RELN: variants seen among roughly 807,000 people sequenced by gnomAD.
The protein encoded by RELN is reelin.
A neutral mutation model predicts 427.6 loss-of-function variants in RELN; 108 were observed. The ratio of observed to expected loss-of-function variants is 0.25; its 90% CI spans 0.22 to 0.30. The LOEUF is 0.30. RELN is among the 10% of genes least tolerant of loss of function. RELN has a pLI of 1.00. For missense variants in RELN, 3,715 were observed against 4,302.8 expected, an observed-to-expected ratio of 0.86 and a Z score of 3.82; for synonymous variants, 1,524 against 1,513.4, an observed-to-expected ratio of 1.01 and a Z score of -0.16.
chr7:103,685,837 C>T (rs1033444293), intron 10 of RELN, among the ~76,000 whole-genome samples: 1 of 152,054 alleles, frequency 6.6e-6, no homozygotes, highest in African/African-American at 2.4e-5. Flanking sequence ...AAGAATTTGC[C>T]ATTCAGAAAA....
intron 20 of RELN, among the ~76,000 whole-genome samples, chr7:103,615,629 T>C (rs1226855479): frequency 6.6e-6 from 1 of 152,112 alleles, no homozygotes; most frequent in Admixed American, 6.6e-5. Flanking sequence ...AGAAGGAAAA[T>C]AGAGAAGCTG....
At chr7:103,702,762 C>G (rs950045452) in intron 8 of RELN, among the ~76,000 whole-genome samples, 27 of 152,182 alleles carry the variant, frequency 1.8e-4, no homozygotes, top group African/African-American at 6.5e-4. Context: ...CTCACTGGCT[C>G]TTGCCAGATC....
intron 3 of RELN, among the ~76,000 whole-genome samples, chr7:103,803,648 T>C (rs1441375441): frequency 3.3e-5 from 5 of 152,256 alleles, no homozygotes; most frequent in South Asian, 2.1e-4. Flanking sequence ...ATTGAAATTA[T>C]ATACTCAGCT....
chr7:103,844,057 C>T, intron 2 of RELN, among the ~76,000 whole-genome samples: 1 of 152,226 alleles, frequency 6.6e-6, no homozygotes, highest in East Asian at 1.9e-4. Flanking sequence ...CTGTGACCTG[C>T]TCTCTTGTGT....
At chr7:103,482,259 G>A (rs768001974) in intron 63 of RELN, 13 of 156,474 alleles carry the variant, frequency 8.3e-5, no homozygotes, top group Non-Finnish European at 1.7e-4. Flanking sequence ...AAGCATTCCA[G>A]TTCTACAGGA....
intron 16 of RELN, among the ~76,000 whole-genome samples, chr7:103,644,395 ATATAAG>A (rs775999927): frequency 2.6e-5 from 4 of 151,240 alleles, no homozygotes; most frequent in Non-Finnish European, 5.9e-5. Context: ...TTTACCAAAG[ATATAAG>A]TATGTCTTTT....
At chr7:103,783,868 T>C (rs1412430540) in intron 3 of RELN, among the ~76,000 whole-genome samples, 1 of 152,234 alleles carries the variant, frequency 6.6e-6, no homozygotes, top group Non-Finnish European at 1.5e-5. Context: ...CCACATGTAG[T>C]ATGAACTGTT....
chr7:103,783,908 A>G (rs1442089436), intron 3 of RELN, among the ~76,000 whole-genome samples: 1 of 152,182 alleles, frequency 6.6e-6, no homozygotes, highest in African/African-American at 2.4e-5. Flanking sequence ...TAACATCACT[A>G]AATGATTTTG....
chr7:103,909,971 G>C (rs1219785637), intron 2 of RELN, among the ~76,000 whole-genome samples: 1 of 141,602 alleles, frequency 7.1e-6, no homozygotes, highest in Non-Finnish European at 1.5e-5. Context: ...AGCTTGATGG[G>C]GATGGCATTG....
chr7:103,961,392 GT>G (rs150445815), intron 1 of RELN, among the ~76,000 whole-genome samples: 1 of 152,074 alleles, frequency 6.6e-6, no homozygotes, highest in Non-Finnish European at 1.5e-5. Flanking sequence ...GATGAATTTA[GT>G]TTTTTTCCCC....
At chr7:103,862,103 G>C (rs1425595342) in intron 2 of RELN, among the ~76,000 whole-genome samples, 1 of 152,076 alleles carries the variant, frequency 6.6e-6, no homozygotes, top group African/African-American at 2.4e-5. Context: ...CTTGGATAAG[G>C]TCAAGATGTA....
At chr7:103,587,579 G>A (rs1831306321) in intron 28 of RELN, among the ~76,000 whole-genome samples, 1 of 152,048 alleles carries the variant, frequency 6.6e-6, no homozygotes, top group African/African-American at 2.4e-5. Flanking sequence ...AACCTACAGA[G>A]TAAAGAGACA....
At position 103,743,782 on chromosome 7, in the gene RELN, A is replaced by G. The variant is rs541473898; in HGVS notation, c.656+5644T>C. Reference sequence around the variant, plus strand: ...ATAAAGCAAGTCCTGAGTGACCTACAAAGAGACTTAGACTCCCACACAATA... The same window carrying G: ...ATAAAGCAAGTCCTGAGTGACCTACGAAGAGACTTAGACTCCCACACAATA... On this transcript the variant is annotated intron_variant, in intron 6 of 64. Coordinates refer to ENST00000428762, the MANE Select transcript of RELN (RefSeq NM_005045.4). 9.2e-5 allele frequency among the ~76,000 whole-genome samples: 14 copies of G among 152,260 alleles called. No individual in the cohort carries two copies. In the East Asian group the frequency reaches 2.3e-3, roughly 25 times the overall value.
intron 2 of RELN, among the ~76,000 whole-genome samples, chr7:103,860,522 T>C (rs548577232): frequency 6.2e-4 from 95 of 152,256 alleles, no homozygotes; most frequent in African/African-American, 2.2e-3. Flanking sequence ...ACTACGTTTA[T>C]TGATGCTTAC....
intron 6 of RELN, among the ~76,000 whole-genome samples, chr7:103,737,295 G>A (rs2115987988): frequency 6.6e-6 from 1 of 152,264 alleles, no homozygotes; most frequent in South Asian, 2.1e-4. Flanking sequence ...CCGGCTCACT[G>A]CCCATGGGCG....
chr7:103,704,641 TCTTA>T (rs1050262108), intron 8 of RELN, among the ~76,000 whole-genome samples: 71 of 151,984 alleles, frequency 4.7e-4, no homozygotes, highest in African/African-American at 1.7e-3. Flanking sequence ...ATGTCTATTA[TCTTA>T]CAAACATCTA....
At chr7:103,709,153 A>C (rs1173594205) in intron 8 of RELN, among the ~76,000 whole-genome samples, 1 of 152,068 alleles carries the variant, frequency 6.6e-6, no homozygotes, top group Non-Finnish European at 1.5e-5. Context: ...GCTTTTCTGT[A>C]GTATCTATTT....
intron 19 of RELN, 119 bp from the exon 20 acceptor site, chr7:103,630,295 T>C (rs1367131226): frequency 2.7e-6 from 2 of 727,962 alleles, no homozygotes; most frequent in East Asian, 2.7e-5. Flanking sequence ...CCCATGATTA[T>C]AAACATTTTT....
At chr7:103,930,582 A>G (rs1310669236) in intron 1 of RELN, among the ~76,000 whole-genome samples, 2 of 152,074 alleles carry the variant, frequency 1.3e-5, no homozygotes, top group African/African-American at 2.4e-5. Flanking sequence ...TTCCCTCCTC[A>G]GCCTCCTGAG....
Sources: allele counts gnomAD v4.1 joint callset (sites outside exome capture counted in the v4.1 genomes callset), GRCh38; gene constraint gnomAD v4.1.1; transcripts MANE v1.5; gene names NCBI Gene and HGNC (gene_info 2026-07-23, HGNC 2026-07-21).